XYLT1: variants seen among roughly 807,000 people sequenced by gnomAD.
XYLT1 encodes the protein beta-D-xylosyltransferase 1.
In XYLT1, 36 loss-of-function variants were observed where a neutral mutation model predicts 91.3. That is an observed-to-expected ratio of 0.39 (90% confidence interval 0.30 to 0.52). XYLT1 has a LOEUF of 0.52. XYLT1 is among the 20% of genes least tolerant of loss of function. The pLI, the probability that XYLT1 is intolerant of heterozygous loss-of-function variation, is 0.68. For synonymous variants in XYLT1, 588 were observed against 532.0 expected (o/e 1.11, Z -1.45); for missense variants, 1,242 against 1,284.5 (o/e 0.97, Z 0.51).
At chr16:17,367,060 G>A (rs1045175453) in intron 1 of XYLT1, among the ~76,000 whole-genome samples, 1 of 151,958 alleles carries the variant, frequency 6.6e-6, no homozygotes, top group African/African-American at 2.4e-5. Flanking sequence ...TTTTCCAGTG[G>A]TTAATGGTAA....
intron 2 of XYLT1, among the ~76,000 whole-genome samples, chr16:17,275,931 G>A (rs2033965783): frequency 6.6e-6 from 1 of 152,168 alleles, no homozygotes; most frequent in Non-Finnish European, 1.5e-5. Flanking sequence ...TAAAGAAATG[G>A]AAATGCTCAC....
intron 1 of XYLT1, among the ~76,000 whole-genome samples, chr16:17,362,739 C>T (rs559740740): frequency 1.6e-4 from 25 of 152,358 alleles, no homozygotes; most frequent in Admixed American, 5.2e-4. Context: ...AAGCCTCAGC[C>T]ATTGGAAAGC....
intron 1 of XYLT1, chr16:17,445,790 C>T (rs1239352762): frequency 6.6e-6 from 1 of 152,188 alleles, no homozygotes; most frequent in Non-Finnish European, 1.5e-5. Context: ...GAAACACAAG[C>T]GCTTGTTCTC....
At chr16:17,429,792 T>C (rs554086465) in intron 1 of XYLT1, among the ~76,000 whole-genome samples, 1 of 152,248 alleles carries the variant, frequency 6.6e-6, no homozygotes, top group Non-Finnish European at 1.5e-5. Flanking sequence ...GACCGGGATT[T>C]ACATTATTGG....
chr16:17,458,136 T>C (rs1178497666), intron 1 of XYLT1, among the ~76,000 whole-genome samples: 1 of 152,210 alleles, frequency 6.6e-6, no homozygotes, highest in East Asian at 1.9e-4. Context: ...CATGCCGTCC[T>C]TGGGCTCCCG....
intron 2 of XYLT1, among the ~76,000 whole-genome samples, chr16:17,337,254 C>T (rs2034993913): frequency 6.6e-6 from 1 of 152,166 alleles, no homozygotes; most frequent in Non-Finnish European, 1.5e-5. Context: ...GTGGTGCAGT[C>T]ATGGCTCATT....
intron 6 of XYLT1, among the ~76,000 whole-genome samples, chr16:17,155,526 C>G (rs2031384864): frequency 6.6e-6 from 1 of 152,212 alleles, no homozygotes; most frequent in Non-Finnish European, 1.5e-5. Context: ...AGAACTTGAG[C>G]AAGCCACGCC....
chr16:17,144,988 G>A (rs1436387819), intron 6 of XYLT1, among the ~76,000 whole-genome samples: 1 of 152,122 alleles, frequency 6.6e-6, no homozygotes, highest in Non-Finnish European at 1.5e-5. Context: ...CATTTCATCA[G>A]CCCCCAAAAG....
intron 2 of XYLT1, among the ~76,000 whole-genome samples, chr16:17,308,515 C>T (rs12922276): frequency 3.9e-5 from 6 of 152,306 alleles, no homozygotes; most frequent in South Asian, 2.1e-4. Context: ...CTACAAAGAA[C>T]GGTCACTTCT....
chr16:17,463,131 GA>G (rs1451481476), intron 1 of XYLT1, among the ~76,000 whole-genome samples: 3 of 152,078 alleles, frequency 2.0e-5, no homozygotes, highest in South Asian at 2.1e-4. Context: ...GACGACTAGA[GA>G]AAAAAACATT....
At chr16:17,224,143 T>C (rs914821184) in intron 3 of XYLT1, among the ~76,000 whole-genome samples, 4 of 152,212 alleles carry the variant, frequency 2.6e-5, no homozygotes, top group Non-Finnish European at 5.9e-5. Flanking sequence ...TAACCTGACA[T>C]ATTTTAATTG....
intron 7 of XYLT1, among the ~76,000 whole-genome samples, chr16:17,139,289 G>A (rs139980713): frequency 4.0e-5 from 6 of 151,700 alleles, no homozygotes; most frequent in Non-Finnish European, 7.3e-5. Context: ...GTGTCTGCCC[G>A]TTACAAGTTA....
chr16:17,449,745 C>T (rs2036641278), intron 1 of XYLT1, among the ~76,000 whole-genome samples: 1 of 152,172 alleles, frequency 6.6e-6, no homozygotes, highest in African/African-American at 2.4e-5. Context: ...ACTAAGAACA[C>T]AGGTGGACCT....
At chr16:17,458,377 C>A (rs2036772232) in intron 1 of XYLT1, among the ~76,000 whole-genome samples, 1 of 152,126 alleles carries the variant, frequency 6.6e-6, no homozygotes, top group Admixed American at 6.5e-5. Context: ...CAACGTGAAG[C>A]AAATGCACAG....
At chr16:17,291,880 T>G (rs1033027648) in intron 2 of XYLT1, among the ~76,000 whole-genome samples, 2 of 151,654 alleles carry the variant, frequency 1.3e-5, no homozygotes, top group African/African-American at 4.8e-5. Context: ...AGGAAAGGAA[T>G]GAAGAGAAAA....
chr16:17,376,172 G>A (rs2035598626), intron 1 of XYLT1, among the ~76,000 whole-genome samples: 1 of 152,216 alleles, frequency 6.6e-6, no homozygotes, highest in African/African-American at 2.4e-5. Flanking sequence ...TGTCCCCCAG[G>A]GAACATTTGA....
intron 2 of XYLT1, chr16:17,354,859 T>C (rs1049037350): frequency 2.6e-5 from 4 of 152,208 alleles, no homozygotes; most frequent in African/African-American, 9.6e-5. Context: ...CACCTCACAA[T>C]GGGCTGAGGC....
chr16:17,127,888 G>C (rs751731641), intron 9 of XYLT1, 27 bp from the exon 10 acceptor site: 1 of 1,604,736 alleles, frequency 6.2e-7, no homozygotes, highest in Non-Finnish European at 8.5e-7. Flanking sequence ...TCATGCATTA[G>C]GGCCCAAGGT....
At chr16:17,315,448 TCCC>T (rs2034614966) in intron 2 of XYLT1, among the ~76,000 whole-genome samples, 5 of 152,200 alleles carry the variant, frequency 3.3e-5, no homozygotes, top group Non-Finnish European at 7.3e-5. Context: ...GAATTCTCGC[TCCC>T]CTAACTCTCA....
Sources: gnomAD v4.1 joint callset for allele counts (sites outside exome capture counted in the v4.1 genomes callset) on GRCh38, gnomAD v4.1.1 for gene constraint, MANE v1.5 for transcripts, NCBI Gene and HGNC (gene_info 2026-07-23, HGNC 2026-07-21) for gene names.